EYS: variants seen among roughly 807,000 people sequenced by gnomAD.
EYS encodes the protein EGF-like photoreceptor maintenance factor, also known as protein eyes shut homolog.
In EYS, 250 loss-of-function variants were observed where a neutral mutation model predicts 282.1. The observed-to-expected ratio is 0.89, with a 90% CI of 0.80 to 0.98. The LOEUF is 0.98. EYS is among the 50% of genes least tolerant of loss of function. The pLI is 0.00. For synonymous variants in EYS, 1,355 were observed against 1,282.9 expected (o/e 1.06, Z -1.20); for missense variants, 4,016 against 3,709.0 (o/e 1.08, Z -2.15).
intron 29 of EYS, among the ~76,000 whole-genome samples, chr6:64,326,338 G>C (rs753923463): frequency 6.6e-6 from 1 of 152,002 alleles, no homozygotes; most frequent in African/African-American, 2.4e-5. Context: ...TACCTCCCTA[G>C]CATGCCTGCA....
intron 29 of EYS, among the ~76,000 whole-genome samples, chr6:64,387,408 CAATT>C (rs556891509): frequency 1.5e-3 from 234 of 152,042 alleles, no homozygotes; most frequent in African/African-American, 5.3e-3. Flanking sequence ...ATATTACACT[CAATT>C]AATGTATACT....
At chr6:63,851,074 A>C (rs148132989) in intron 36 of EYS, among the ~76,000 whole-genome samples, 1 of 152,364 alleles carries the variant, frequency 6.6e-6, no homozygotes, top group Non-Finnish European at 1.5e-5. Context: ...AAGAGAGACA[A>C]AGAAGGGCAT....
chr6:64,713,619 A>G (rs1388149960), intron 22 of EYS, among the ~76,000 whole-genome samples: 1 of 152,114 alleles, frequency 6.6e-6, no homozygotes, highest in Non-Finnish European at 1.5e-5. Flanking sequence ...GAAATAAAGA[A>G]CTATTTACCT....
intron 5 of EYS, among the ~76,000 whole-genome samples, chr6:65,469,057 G>A (rs529992574): frequency 1.4e-4 from 22 of 151,932 alleles, no homozygotes; most frequent in African/African-American, 3.6e-4. Flanking sequence ...AATATATATC[G>A]TACACTCTTA....
intron 9 of EYS, among the ~76,000 whole-genome samples, chr6:65,344,889 A>C (rs926922236): frequency 6.6e-6 from 1 of 151,774 alleles, no homozygotes; most frequent in Non-Finnish European, 1.5e-5. Flanking sequence ...ACATGACTAC[A>C]TCTCCTAGTA....
chr6:64,821,427 T>G (rs1223474975), intron 21 of EYS, among the ~76,000 whole-genome samples: 1 of 151,654 alleles, frequency 6.6e-6, no homozygotes, highest in African/African-American at 2.4e-5. Context: ...TGGAATTTTC[T>G]AACAACAAGA....
chr6:64,768,844 G>A (rs1043565232), intron 22 of EYS, among the ~76,000 whole-genome samples: 15 of 151,990 alleles, frequency 9.9e-5, no homozygotes, highest in African/African-American at 2.4e-4. Context: ...CTACCCTTCC[G>A]TTATTCATGT....
Position 64,912,421 on chromosome 6 carries a change from C to A in EYS, c.2641+63G>T, listed in dbSNP as rs73767172. On this transcript the variant is annotated intron_variant, in intron 16 of 42. Coordinates refer to ENST00000503581, the MANE Select transcript of EYS (RefSeq NM_001142800.2). ...TTAGGAGGCCATCATCCCATAGGCA[C>A]AATAAATACACAAACTAATTAAGTA... The A allele has an allele frequency of 2.2e-4, 324 of 1,465,412 alleles. No individual in the cohort carries two copies. The African/African-American group carries it at 4.2e-3, about 19-fold the overall frequency. The allele number at this position is 1,465,412 out of a possible 1,614,324, so 90.8% of individuals were successfully genotyped here. A position where few individuals can be genotyped will look rare whatever the true frequency, so the allele number is the denominator to read the frequency against.
At chr6:65,670,116 A>G (rs539589083) in intron 1 of EYS, among the ~76,000 whole-genome samples, 2 of 152,088 alleles carry the variant, frequency 1.3e-5, no homozygotes, top group African/African-American at 4.8e-5. Context: ...TCCTTTTATC[A>G]TCTTTCAATG....
intron 36 of EYS, among the ~76,000 whole-genome samples, chr6:63,826,275 C>T (rs184553585): frequency 1.8e-3 from 278 of 152,226 alleles, no homozygotes; most frequent in African/African-American, 6.2e-3. Context: ...AATCATTGTT[C>T]CTGAGGAATA....
chr6:64,698,767 C>T (rs1427617974), intron 22 of EYS, among the ~76,000 whole-genome samples: 3 of 152,018 alleles, frequency 2.0e-5, no homozygotes, highest in Non-Finnish European at 2.9e-5. Flanking sequence ...AAATCAAAAC[C>T]ACATTAAGAT....
intron 33 of EYS, among the ~76,000 whole-genome samples, chr6:64,024,796 A>C (rs1207233028): frequency 6.6e-6 from 1 of 152,048 alleles, no homozygotes; most frequent in Non-Finnish European, 1.5e-5. Flanking sequence ...TCACGAACCC[A>C]CCAGAAGGAA....
chr6:64,429,088 C>A (rs34221690), intron 28 of EYS, among the ~76,000 whole-genome samples: 36,571 of 151,802 alleles, frequency 0.24, 4,944 homozygotes, highest in East Asian at 0.39. Context: ...GAGAAAAAAA[C>A]CCCAAAACTC....
chr6:63,916,107 C>T (rs1003778641), intron 35 of EYS, among the ~76,000 whole-genome samples: 5 of 152,144 alleles, frequency 3.3e-5, no homozygotes, highest in South Asian at 2.1e-4. Flanking sequence ...ATTGATTTGG[C>T]AAACTTTACT....
intron 8 of EYS, among the ~76,000 whole-genome samples, chr6:65,354,937 T>C (rs1019557514): frequency 6.6e-6 from 1 of 152,122 alleles, no homozygotes; most frequent in Admixed American, 6.6e-5. Context: ...AGTTGTGAGA[T>C]GATCAAAATC....
chr6:65,475,748 G>GACACACACAC (rs111446667), intron 5 of EYS, among the ~76,000 whole-genome samples: 1,771 of 121,514 alleles, frequency 0.015, 28 homozygotes, highest in African/African-American at 0.046. Flanking sequence ...CAGACAGACA[G>GACACACACAC]ACAGACAGAC....
In EYS at chr6:65,086,327, A is replaced by AT. The variant is rs1774372832; in HGVS notation, c.2024-28601dup. On this transcript the variant is annotated intron_variant, in intron 12 of 42. Transcript: ENST00000503581. ...TGAGACTCCATCTCAAAAAAACTAA[A>AT]TAAAAAAAAAAGAAGACTACAGCTT... 2.6e-5 allele frequency among the ~76,000 whole-genome samples: 4 copies of AT among 151,234 alleles called. No homozygotes were observed. In the South Asian group the frequency reaches 8.3e-4, roughly 31 times the overall value.
In EYS at chr6:64,378,657, C is replaced by A. The variant is rs1051137078; in HGVS notation, c.6078+10033G>T. 5.9e-5 allele frequency among the ~76,000 whole-genome samples: 9 copies of A among 152,122 alleles called. No individual in the cohort carries two copies. In the East Asian group the frequency reaches 1.7e-3, roughly 29 times the overall value. On this transcript the variant is annotated intron_variant, in intron 29 of 42. Transcript: ENST00000503581. ...TCCTTAAACCTTAAGAAGGTAGAGTCTCTATTTTGCAGGTAAAGAAAAAGC... is the reference window on the plus strand; with the variant it reads ...TCCTTAAACCTTAAGAAGGTAGAGTATCTATTTTGCAGGTAAAGAAAAAGC...
At chr6:64,731,329 A>C (rs1057342134) in intron 22 of EYS, among the ~76,000 whole-genome samples, 17 of 152,066 alleles carry the variant, frequency 1.1e-4, no homozygotes, top group Admixed American at 4.6e-4. Flanking sequence ...AAAACCAAAA[A>C]CAAACAAACA....
Sources: gnomAD v4.1 joint callset for allele counts (sites outside exome capture counted in the v4.1 genomes callset) on GRCh38, gnomAD v4.1.1 for gene constraint, MANE v1.5 for transcripts, NCBI Gene and HGNC (gene_info 2026-07-23, HGNC 2026-07-21) for gene names.